Variants in HERC3 observed in about 807,000 individuals in gnomAD.
HERC3 encodes the protein probable E3 ubiquitin-protein ligase HERC3.
A neutral mutation model predicts 129.9 loss-of-function variants in HERC3; 58 were observed. The ratio of observed to expected loss-of-function variants is 0.45; its 90% CI spans 0.36 to 0.56. The LOEUF (loss-of-function observed/expected upper bound fraction) is 0.56, where lower values mean the gene tolerates loss of function less well. HERC3 is among the 20% of genes least tolerant of loss of function. The probability of loss-of-function intolerance (pLI) is 0.00; values close to 1 mark genes in which losing one functional copy is unlikely to be tolerated. For synonymous variants in HERC3, 430 were observed against 451.0 expected, an observed-to-expected ratio of 0.95 and a Z score of 0.59; for missense variants, 835 against 1,244.2, an observed-to-expected ratio of 0.67 and a Z score of 4.95.
At chr4:88,659,152 C>T (rs1353166771) in intron 10 of HERC3, among the ~76,000 whole-genome samples, 1 of 152,130 alleles carries the variant, frequency 6.6e-6, no homozygotes, top group Non-Finnish European at 1.5e-5. Flanking sequence ...GGACTCCTTC[C>T]CCTGTGCTTT....
At chr4:88,619,624 T>C (rs1326822378) in intron 3 of HERC3, among the ~76,000 whole-genome samples, 1 of 152,166 alleles carries the variant, frequency 6.6e-6, no homozygotes, top group African/African-American at 2.4e-5. Flanking sequence ...TGCATGAAAT[T>C]TTAAAATTTC....
intron 2 of HERC3, among the ~76,000 whole-genome samples, chr4:88,596,025 A>G (rs924973183): frequency 6.6e-6 from 1 of 151,164 alleles, no homozygotes; most frequent in African/African-American, 2.4e-5. Context: ...AATTTTTTGT[A>G]TTTTTAGTAG....
At chr4:88,555,931 T>G in the HERC3 span, among the ~76,000 whole-genome samples, 1 of 152,144 alleles carries the variant, frequency 6.6e-6, no homozygotes, top group Non-Finnish European at 1.5e-5. Flanking sequence ...ATAGACTGGA[T>G]TGACCAATTA....
At chr4:88,701,254 A>T (rs1420740040) in intron 23 of HERC3, among the ~76,000 whole-genome samples, 1 of 152,174 alleles carries the variant, frequency 6.6e-6, no homozygotes, top group African/African-American at 2.4e-5. Flanking sequence ...CTTTATTTTA[A>T]AGATTGCACA....
chr4:88,564,902 T>C, the HERC3 span, among the ~76,000 whole-genome samples: 126 of 152,158 alleles, frequency 8.3e-4, no homozygotes, highest in African/African-American at 2.9e-3. Flanking sequence ...CTGTACCCCA[T>C]AGGTTTTTTT....
At chr4:88,649,477 A>G (rs1341710377) in intron 3 of HERC3, among the ~76,000 whole-genome samples, 1 of 152,066 alleles carries the variant, frequency 6.6e-6, no homozygotes, top group Non-Finnish European at 1.5e-5. Context: ...ACTTTTAGAA[A>G]TATGTTTCAT....
intron 23 of HERC3, chr4:88,696,661 T>C (rs958554798): frequency 6.5e-6 from 1 of 152,828 alleles, no homozygotes; most frequent in African/African-American, 2.4e-5. Context: ...TGATCTCCAT[T>C]GCAATCTTCC....
intron 3 of HERC3, among the ~76,000 whole-genome samples, chr4:88,624,185 T>C (rs1373582466): frequency 6.6e-6 from 1 of 152,224 alleles, no homozygotes; most frequent in Non-Finnish European, 1.5e-5. Flanking sequence ...CATTTGAGTA[T>C]TTTCCCCCGT....
rs1197877425 is a variant in HERC3 at position 88,697,431 on chromosome 4, C to T, written c.2658-6667C>T. On this transcript the variant is annotated intron_variant, in intron 23 of 25. Coordinates refer to ENST00000402738, the MANE Select transcript of HERC3 (RefSeq NM_014606.3). ...GTAGGGGCTTATAGATGTCATTATA[C>T]TTTTTTTCCAGAGCCTGAAATTCCT... 3.7e-6 allele frequency: 6 copies of T among 1,614,026 alleles called. No individual in the cohort carries two copies. The African/African-American group carries it at 8.0e-5, about 22-fold the overall frequency.
intron 23 of HERC3, among the ~76,000 whole-genome samples, chr4:88,699,771 G>C (rs1735157230): frequency 1.3e-5 from 2 of 152,032 alleles, no homozygotes; most frequent in African/African-American, 4.8e-5. Context: ...CATCTTTCAA[G>C]ATTTTTATTT....
At chr4:88,578,124 C>T in the HERC3 span, among the ~76,000 whole-genome samples, 1 of 152,104 alleles carries the variant, frequency 6.6e-6, no homozygotes, top group African/African-American at 2.4e-5. Context: ...AAGGAATTCA[C>T]ATATATAACA....
At chr4:88,581,293 T>C in the HERC3 span, among the ~76,000 whole-genome samples, 1 of 142,376 alleles carries the variant, frequency 7.0e-6, no homozygotes, top group African/African-American at 2.7e-5. Context: ...TATTTACTTA[T>C]TATTATTATT....
the HERC3 span, among the ~76,000 whole-genome samples, chr4:88,574,751 C>T: frequency 6.6e-6 from 1 of 152,188 alleles, no homozygotes; most frequent in Non-Finnish European, 1.5e-5. Flanking sequence ...GTGTCTGATA[C>T]TACCTTTCGA....
chr4:88,547,008 C>G, the HERC3 span, among the ~76,000 whole-genome samples: 3 of 152,180 alleles, frequency 2.0e-5, no homozygotes, highest in Admixed American at 2.0e-4. Context: ...ACAACAGACA[C>G]TGAAGAAGCC....
intron 12 of HERC3, 80 bp downstream of exon 12, chr4:88,664,292 G>C: frequency 8.3e-7 from 1 of 1,208,974 alleles, no homozygotes; most frequent in Non-Finnish European, 1.2e-6. Context: ...CAGGAGGATT[G>C]CTTGAGTTTA....
chr4:88,531,486 C>T, the HERC3 span, among the ~76,000 whole-genome samples: 1 of 152,204 alleles, frequency 6.6e-6, no homozygotes, highest in African/African-American at 2.4e-5. Context: ...AGCAACTCCA[C>T]ATGATATTAA....
In HERC3 at chr4:88,667,466, A is replaced by G; in HGVS notation, c.1421A>G (p.Gln474Arg). 1 of 1,598,324 alleles carries G rather than the reference A, an allele frequency of 6.3e-7. No homozygotes were observed. Among genetic ancestry groups the G allele is most frequent in the Non-Finnish European group, 8.6e-7 (1 of 1,168,208 alleles). The change falls in exon 13 of 26, where the codon CAG becomes CGG. Residue 474 changes from glutamine (Q) to arginine (R), a missense_variant. Transcript: ENST00000402738. ...RVLFEKLMNS[Q>R]HSMILEQILN... ...TTATTTGAGAAGTTAATGAACTCTC[A>G]GCACTCCATGATTCTAGAACAGGTA...
chr4:88,653,169 T>C, intron 6 of HERC3, 79 bp downstream of exon 6: 1 of 1,372,946 alleles, frequency 7.3e-7, no homozygotes, highest in Non-Finnish European at 1.0e-6. Context: ...ATCTACTATG[T>C]GCTAGCCCCA....
At chr4:88,681,460 G>T in intron 21 of HERC3, 135 bp downstream of exon 21, 1 of 717,276 alleles carries the variant, frequency 1.4e-6, no homozygotes. Context: ...TGTGTGTTTT[G>T]TCTAAGATGT....
Sources: gnomAD v4.1 joint callset for allele counts (sites outside exome capture counted in the v4.1 genomes callset) on GRCh38, gnomAD v4.1.1 for gene constraint, MANE v1.5 for transcripts, NCBI Gene and HGNC (gene_info 2026-07-23, HGNC 2026-07-21) for gene names.